Variants in AUTS2 observed in about 807,000 individuals in gnomAD.
The protein encoded by AUTS2 is autism susceptibility gene 2 protein.
AUTS2 carries 17 observed loss-of-function variants against 112.4 expected under a neutral mutation model. The ratio of observed to expected loss-of-function variants is 0.15; its 90% confidence interval spans 0.10 to 0.23. AUTS2 has a LOEUF of 0.23. Among genes scored for constraint, AUTS2 ranks in the 10% least tolerant of loss-of-function variants. AUTS2 has a pLI of 1.00. For missense variants in AUTS2, 1,510 were observed against 1,701.6 expected (o/e 0.89, Z 1.98); for synonymous variants, 751 against 702.7 (o/e 1.07, Z -1.09).
chr7:70,251,092 T>A (rs1191053232), intron 4 of AUTS2, among the ~76,000 whole-genome samples: 2 of 151,674 alleles, frequency 1.3e-5, no homozygotes, highest in African/African-American at 4.8e-5. Context: ...TGAGACGGAG[T>A]CTCACTCTGT....
chr7:70,750,208 C>G (rs969121574), intron 6 of AUTS2, among the ~76,000 whole-genome samples: 7 of 152,088 alleles, frequency 4.6e-5, no homozygotes, highest in Admixed American at 1.3e-4. Flanking sequence ...AGAGGGTAAT[C>G]TGGAGGAATA....
intron 1 of AUTS2, among the ~76,000 whole-genome samples, chr7:69,655,802 T>C (rs768642768): frequency 1.3e-5 from 2 of 152,138 alleles, no homozygotes; most frequent in Non-Finnish European, 1.5e-5. Flanking sequence ...GGGACCTGTT[T>C]AGGAGAAGGG....
chr7:70,228,319 A>G (rs1025398839), intron 4 of AUTS2, among the ~76,000 whole-genome samples: 5 of 151,510 alleles, frequency 3.3e-5, no homozygotes, highest in African/African-American at 7.3e-5. Flanking sequence ...TTGCATTTGT[A>G]TGTAAAATGT....
intron 6 of AUTS2, among the ~76,000 whole-genome samples, chr7:70,704,172 G>A (rs1361331614): frequency 6.6e-6 from 1 of 152,162 alleles, no homozygotes; most frequent in Non-Finnish European, 1.5e-5. Context: ...TAGTTGCTTT[G>A]GCCGAACTGA....
At chr7:70,731,420 CTTTTTTTTTTTTTTT>C (rs56244002) in intron 6 of AUTS2, among the ~76,000 whole-genome samples, 1 of 69,480 alleles carries the variant, frequency 1.4e-5, no homozygotes, top group Admixed American at 2.0e-4. Flanking sequence ...TTACCCAGAT[CTTTTTTTTTTTTTTT>C]TTTTTTTTTT....
chr7:69,630,697 T>A (rs1169017154), intron 1 of AUTS2, among the ~76,000 whole-genome samples: 1 of 152,210 alleles, frequency 6.6e-6, no homozygotes, highest in Admixed American at 6.5e-5. Flanking sequence ...ATAAAAACTT[T>A]AAAGTTTTCT....
chr7:70,458,431 A>T (rs973310809), intron 5 of AUTS2, among the ~76,000 whole-genome samples: 17 of 152,132 alleles, frequency 1.1e-4, no homozygotes, highest in Admixed American at 3.9e-4. Flanking sequence ...AGAATACCCT[A>T]CTTCATGACC....
At chr7:70,406,855 C>G (rs989722226) in intron 4 of AUTS2, among the ~76,000 whole-genome samples, 22 of 152,172 alleles carry the variant, frequency 1.4e-4, no homozygotes, top group African/African-American at 5.3e-4. Flanking sequence ...AATTAACAAC[C>G]CAGCCGCATC....
chr7:69,636,431 C>G (rs1794525161), intron 1 of AUTS2, among the ~76,000 whole-genome samples: 1 of 133,574 alleles, frequency 7.5e-6, no homozygotes. Flanking sequence ...GATGGGGTTT[C>G]AACATGTTGG....
chr7:69,648,872 G>A (rs1271805289), intron 1 of AUTS2, among the ~76,000 whole-genome samples: 1 of 152,170 alleles, frequency 6.6e-6, no homozygotes, highest in Non-Finnish European at 1.5e-5. Context: ...TTACATAAAT[G>A]TAAATAAATT....
In AUTS2 at chr7:70,010,350, T is replaced by C. The variant is rs376278999; in HGVS notation, c.523-107782T>C. Among the ~76,000 whole-genome samples the C allele has an allele frequency of 9.2e-5, 14 of 152,322 alleles. No individual in the cohort carries two copies. In the East Asian group the frequency reaches 1.9e-3, roughly 21 times the overall value. ...GGTAGAGACTGGGGTCTCACTCTTT[T>C]GTCCAAGTTGATCTCAAACTCCTGG... On this transcript the variant is annotated intron_variant, in intron 2 of 18. Transcript: ENST00000342771.
chr7:70,742,104 G>C (rs1253207997), intron 6 of AUTS2, among the ~76,000 whole-genome samples: 1 of 152,198 alleles, frequency 6.6e-6, no homozygotes, highest in Non-Finnish European at 1.5e-5. Flanking sequence ...TTATTTGCTT[G>C]ATCAGTAAAG....
intron 4 of AUTS2, among the ~76,000 whole-genome samples, chr7:70,139,666 T>C (rs1025344403): frequency 1.3e-5 from 2 of 152,174 alleles, no homozygotes; most frequent in Non-Finnish European, 2.9e-5. Flanking sequence ...TCAAGGAAGA[T>C]GAAAAGTTAC....
At chr7:69,943,528 T>TA (rs1219008949) in intron 2 of AUTS2, among the ~76,000 whole-genome samples, 1 of 152,198 alleles carries the variant, frequency 6.6e-6, no homozygotes, top group Non-Finnish European at 1.5e-5. Flanking sequence ...TTAAATACCT[T>TA]AGTCATATTG....
intron 4 of AUTS2, among the ~76,000 whole-genome samples, chr7:70,409,466 T>G (rs1794683186): frequency 6.6e-6 from 1 of 152,202 alleles, no homozygotes. Flanking sequence ...ATACAGAAAT[T>G]CTCAAGATTT....
At position 70,249,579 on chromosome 7, in the gene AUTS2, G is replaced by T. The variant is rs542341850; in HGVS notation, c.660+115008G>T. Among the ~76,000 whole-genome samples, 13 of 152,214 alleles carry T rather than the reference G, an allele frequency of 8.5e-5. No individual in the cohort carries two copies. In the South Asian group the frequency reaches 2.7e-3, roughly 32 times the overall value. On this transcript the variant is annotated intron_variant, in intron 4 of 18. Coordinates refer to ENST00000342771, the MANE Select transcript of AUTS2 (RefSeq NM_015570.4). ...GTGACTCCAATGAGAGTGGTCTGCA[G>T]AACACTCTTTGAGAAACACTGATGT... is the stretch of plus-strand genomic sequence containing the variant.
At chr7:70,520,235 T>G (rs1179576792) in intron 5 of AUTS2, among the ~76,000 whole-genome samples, 2 of 152,176 alleles carry the variant, frequency 1.3e-5, no homozygotes, top group Non-Finnish European at 2.9e-5. Context: ...CTGACACACA[T>G]GCATACACAC....
At chr7:70,579,084 A>T (rs943201924) in intron 5 of AUTS2, among the ~76,000 whole-genome samples, 11 of 150,768 alleles carry the variant, frequency 7.3e-5, no homozygotes, top group African/African-American at 2.2e-4. Flanking sequence ...ACATGCCACC[A>T]CACCTGGCTA....
Position 70,470,588 on chromosome 7 carries a change from C to T in AUTS2, c.690+34807C>T, listed in dbSNP as rs190923590. Among the ~76,000 whole-genome samples the T allele has an allele frequency of 2.5e-3, 381 of 152,170 alleles. 5 individuals carry two copies. The highest frequency in any genetic ancestry group is 8.6e-3 in the African/African-American group (359 of 41,506). On this transcript the variant is annotated intron_variant, in intron 5 of 18. Transcript: ENST00000342771. ...ACGCAGCATCTGGCTCATCCCTGGA[C>T]GTGTATGTAAACTGAGGCTGGATAA...
Sources: gnomAD v4.1 joint callset for allele counts (sites outside exome capture counted in the v4.1 genomes callset) on GRCh38, gnomAD v4.1.1 for gene constraint, MANE v1.5 for transcripts, NCBI Gene and HGNC (gene_info 2026-07-23, HGNC 2026-07-21) for gene names.